The following ATP2B2 variants were observed in gnomAD, a reference collection of about 807,000 sequenced individuals.
ATP2B2 encodes plasma membrane calcium-transporting ATPase 2.
Under a neutral mutation model 120.0 loss-of-function variants are expected in ATP2B2, and 15 were observed. The ratio of observed to expected loss-of-function variants is 0.12; its 90% confidence interval spans 0.08 to 0.19. ATP2B2 has a LOEUF of 0.19. ATP2B2 is among the 10% of genes least tolerant of loss of function. The pLI is 1.00. For synonymous variants in ATP2B2, 694 were observed against 700.3 expected (o/e 0.99, Z 0.14); for missense variants, 1,045 against 1,719.8 (o/e 0.61, Z 6.94).
chr3:10,350,536 C>A lies in ATP2B2; in HGVS notation c.2178G>T (p.Thr726=), dbSNP rs768888914. Residue 726 remains threonine (T), a synonymous_variant, in exon 15 of 23, where the codon ACG becomes ACT. Transcript: ENST00000360273. ...AIRKCQRAGI[T]VRMVTGDNIN... ...TATTGTCGCCAGTGACCATGCGGAC[C>A]GTGATGCCTGCCCGCTGGCACTTGC... The A allele has an allele frequency of 5.0e-6, 8 of 1,613,914 alleles. No homozygotes were observed. The South Asian group carries it at 8.8e-5, about 18-fold the overall frequency.
intron 2 of ATP2B2, among the ~76,000 whole-genome samples, chr3:10,607,495 C>T (rs1386404810): frequency 6.6e-6 from 1 of 152,206 alleles, no homozygotes. Context: ...CATTAGCCAT[C>T]CCCCAGGTAT....
rs141685980 is a variant in ATP2B2, at chr3:10,415,287, T to C, written c.200-4472A>G. ...TGCCTGGCACCGGGTAGATGTACTG[T>C]GTCATTATTACCGCCCAGTTTTTAG... On this transcript the variant is annotated intron_variant, in intron 2 of 22. Transcript: ENST00000360273. Among the ~76,000 whole-genome samples the C allele has an allele frequency of 4.9e-3, 746 of 152,326 alleles. 5 individuals carry two copies. Among genetic ancestry groups the C allele is most frequent in the Non-Finnish European group, 7.7e-3 (527 of 68,020 alleles).
chr3:10,685,072 C>T (rs920983609), intron 1 of ATP2B2, among the ~76,000 whole-genome samples: 7 of 152,102 alleles, frequency 4.6e-5, no homozygotes, highest in Admixed American at 3.9e-4. Flanking sequence ...TCCAGGCCAC[C>T]GATGATGTTC....
intron 14 of ATP2B2, among the ~76,000 whole-genome samples, chr3:10,351,880 T>A (rs1389640700): frequency 6.6e-6 from 1 of 152,148 alleles, no homozygotes; most frequent in Non-Finnish European, 1.5e-5. Flanking sequence ...CAGAGACAGC[T>A]CCTCCCTATC....
intron 2 of ATP2B2, among the ~76,000 whole-genome samples, chr3:10,413,346 G>A (rs1005752927): frequency 3.9e-5 from 6 of 152,252 alleles, no homozygotes; most frequent in African/African-American, 1.4e-4. Flanking sequence ...CACTCCCACT[G>A]GGGGAGCCCA....
intron 1 of ATP2B2, among the ~76,000 whole-genome samples, chr3:10,484,228 A>G (rs1448369009): frequency 6.6e-6 from 1 of 152,156 alleles, no homozygotes; most frequent in Non-Finnish European, 1.5e-5. Flanking sequence ...AGGCATCTCC[A>G]GGGACCAGAG....
At chr3:10,395,414 A>C (rs2062003184) in intron 5 of ATP2B2, among the ~76,000 whole-genome samples, 1 of 152,168 alleles carries the variant, frequency 6.6e-6, no homozygotes, top group Non-Finnish European at 1.5e-5. Flanking sequence ...TCCTGAATTG[A>C]TGGCTGTGTT....
At chr3:10,420,793 A>C (rs2062951946) in intron 2 of ATP2B2, among the ~76,000 whole-genome samples, 1 of 152,242 alleles carries the variant, frequency 6.6e-6, no homozygotes, top group African/African-American at 2.4e-5. Flanking sequence ...TGTTGTTGCT[A>C]TCACTGAGCT....
At chr3:10,632,905 C>T (rs531845391) in intron 1 of ATP2B2, among the ~76,000 whole-genome samples, 1 of 152,380 alleles carries the variant, frequency 6.6e-6, no homozygotes, top group East Asian at 1.9e-4. Context: ...CTCCTCCTCT[C>T]ACCCTGACTG....
At chr3:10,584,651 G>A (rs1384511748) in intron 2 of ATP2B2, among the ~76,000 whole-genome samples, 2 of 152,158 alleles carry the variant, frequency 1.3e-5, no homozygotes, top group South Asian at 2.1e-4. Flanking sequence ...GCTTGCAGAA[G>A]CTGCATTCCC....
chr3:10,564,493 C>A (rs567653678), intron 2 of ATP2B2, among the ~76,000 whole-genome samples: 2 of 152,234 alleles, frequency 1.3e-5, no homozygotes, highest in South Asian at 4.2e-4. Context: ...TTAGCTCAAC[C>A]CTGGCTCCAG....
intron 1 of ATP2B2, among the ~76,000 whole-genome samples, chr3:10,631,648 C>T (rs2069868612): frequency 6.6e-6 from 1 of 152,198 alleles, no homozygotes; most frequent in African/African-American, 2.4e-5. Context: ...CTCCCAATCC[C>T]AGGCTGGCCC....
At position 10,503,451 on chromosome 3, in the gene ATP2B2, G is replaced by A. The variant is rs184114364; in HGVS notation, c.-320+2014C>T. The stretch of plus-strand genomic sequence containing the variant: ...TCTAATCACAGCTCCCTGGGAATAC[G>A]GGCTGGCCCTCCCCCAACGCCTGTG... On this transcript the variant is annotated intron_variant, in intron 1 of 22. Transcript: ENST00000360273. Among the ~76,000 whole-genome samples, 120 of 152,350 alleles carry A rather than the reference G, an allele frequency of 7.9e-4. 1 individual carries two copies. The East Asian group carries it at 0.02, about 25-fold the overall frequency.
At chr3:10,441,118 G>T in intron 2 of ATP2B2, among the ~76,000 whole-genome samples, 1 of 152,216 alleles carries the variant, frequency 6.6e-6, no homozygotes, top group East Asian at 1.9e-4. Context: ...AATCTATAGG[G>T]AGCTTTGGAG....
At chr3:10,606,206 C>T (rs116064401) in intron 2 of ATP2B2, among the ~76,000 whole-genome samples, 4,854 of 152,238 alleles carry the variant, frequency 0.032, 117 homozygotes, top group Non-Finnish European at 0.048. Context: ...TGGGCTCTGC[C>T]GCTTGTGATC....
chr3:10,430,335 A>C (rs1295043907), intron 2 of ATP2B2, among the ~76,000 whole-genome samples: 1 of 152,214 alleles, frequency 6.6e-6, no homozygotes, highest in Non-Finnish European at 1.5e-5. Context: ...AGCCTTCTGG[A>C]AAGGATTCAC....
chr3:10,582,100 C>T (rs1198551070), intron 2 of ATP2B2, among the ~76,000 whole-genome samples: 5 of 152,160 alleles, frequency 3.3e-5, no homozygotes, highest in Admixed American at 6.6e-5. Context: ...CATACTTTGG[C>T]GCTTGCAAGA....
At chr3:10,695,506 G>A (rs935922000) in intron 1 of ATP2B2, among the ~76,000 whole-genome samples, 2 of 152,042 alleles carry the variant, frequency 1.3e-5, no homozygotes, top group East Asian at 3.9e-4. Flanking sequence ...GTCCTTGCAT[G>A]CTGCTTGCTC....
At chr3:10,700,229 T>A (rs181980766) in intron 1 of ATP2B2, among the ~76,000 whole-genome samples, 1 of 152,102 alleles carries the variant, frequency 6.6e-6, no homozygotes, top group Non-Finnish European at 1.5e-5. Flanking sequence ...GCTCTATTGG[T>A]AACAAACTCG....
Sources: gnomAD v4.1 joint callset for allele counts (sites outside exome capture counted in the v4.1 genomes callset) on GRCh38, gnomAD v4.1.1 for gene constraint, MANE v1.5 for transcripts, NCBI Gene and HGNC (gene_info 2026-07-23, HGNC 2026-07-21) for gene names.